SPAG16: variants seen among roughly 807,000 people sequenced by gnomAD.
The protein encoded by SPAG16 is sperm associated antigen 16.
Under a neutral mutation model 80.4 loss-of-function variants are expected in SPAG16, and 86 were observed. That is an observed-to-expected ratio of 1.07 (90% CI 0.90 to 1.28). The LOEUF (loss-of-function observed/expected upper bound fraction) is 1.28. Among genes scored for constraint, SPAG16 ranks in the 50% most tolerant of loss-of-function variants. The pLI, the probability that SPAG16 is intolerant of heterozygous loss-of-function variation, is 0.00. For synonymous variants in SPAG16, 294 were observed against 265.9 expected (o/e 1.11, Z -1.03); for missense variants, 870 against 765.3 (o/e 1.14, Z -1.61).
intron 15 of SPAG16, among the ~76,000 whole-genome samples, chr2:214,178,002 TA>T (rs1295098943): frequency 5.2e-5 from 3 of 57,598 alleles, no homozygotes; most frequent in African/African-American, 1.2e-4. Context: ...TATATATATA[TA>T]TATATATATT....
At chr2:214,048,186 C>T (rs2049444932) in intron 13 of SPAG16, among the ~76,000 whole-genome samples, 1 of 152,052 alleles carries the variant, frequency 6.6e-6, no homozygotes, top group Non-Finnish European at 1.5e-5. Flanking sequence ...CAATCCCATG[C>T]CTAGGTATAT....
chr2:214,154,842 C>T (rs950341072), intron 15 of SPAG16, among the ~76,000 whole-genome samples: 1 of 151,978 alleles, frequency 6.6e-6, no homozygotes, highest in Non-Finnish European at 1.5e-5. Context: ...AAAGACCAAC[C>T]AGATTTATTC....
intron 15 of SPAG16, among the ~76,000 whole-genome samples, chr2:214,212,449 G>T (rs1420736276): frequency 4.6e-5 from 7 of 151,842 alleles, no homozygotes; most frequent in Non-Finnish European, 1.0e-4. Context: ...TTCCTTTTTG[G>T]TTCACAGAAC....
chr2:213,399,111 T>G (rs11687463), intron 9 of SPAG16, among the ~76,000 whole-genome samples: 39,494 of 151,866 alleles, frequency 0.26, 5,937 homozygotes, highest in Middle Eastern at 0.44. Context: ...TCTAAAAATT[T>G]TTATTTGTAT....
At chr2:213,918,283 A>C (rs755147946) in intron 11 of SPAG16, among the ~76,000 whole-genome samples, 37 of 152,174 alleles carry the variant, frequency 2.4e-4, no homozygotes, top group Non-Finnish European at 4.1e-4. Context: ...GTGGCCTCAT[A>C]AAATGAGTTG....
intron 6 of SPAG16, among the ~76,000 whole-genome samples, chr2:213,346,133 CTT>C (rs1404002464): frequency 6.6e-6 from 1 of 152,102 alleles, no homozygotes; most frequent in Middle Eastern, 3.2e-3. Context: ...ATTTTATTCT[CTT>C]TGAAGCAATT....
At chr2:213,452,919 T>C (rs1575624443) in intron 9 of SPAG16, among the ~76,000 whole-genome samples, 1 of 152,366 alleles carries the variant, frequency 6.6e-6, no homozygotes, top group South Asian at 2.1e-4. Context: ...ATGAAAAAGA[T>C]ACCATGTAAA....
intron 9 of SPAG16, chr2:213,396,839 T>G: frequency 4.3e-6 from 1 of 230,710 alleles, no homozygotes; most frequent in Non-Finnish European, 9.0e-6. Flanking sequence ...ATAAAAGGAG[T>G]CCAGGACTTC....
At chr2:214,139,961 A>T (rs957861826) in intron 14 of SPAG16, among the ~76,000 whole-genome samples, 3 of 152,238 alleles carry the variant, frequency 2.0e-5, no homozygotes, top group Non-Finnish European at 4.4e-5. Flanking sequence ...CCTATGACTT[A>T]TAAGGCTCTA....
intron 12 of SPAG16, among the ~76,000 whole-genome samples, chr2:213,940,965 A>G (rs566142203): frequency 1.2e-4 from 18 of 152,280 alleles, no homozygotes; most frequent in Non-Finnish European, 2.4e-4. Context: ...CTCATTATCT[A>G]TGTTCATATT....
chr2:213,457,434 G>A (rs184936118), intron 9 of SPAG16, among the ~76,000 whole-genome samples: 13 of 152,138 alleles, frequency 8.5e-5, no homozygotes, highest in African/African-American at 2.2e-4. Context: ...CACTTTGTTC[G>A]GTATTATTTT....
intron 15 of SPAG16, among the ~76,000 whole-genome samples, chr2:214,253,152 T>A (rs1454633771): frequency 6.6e-6 from 1 of 151,976 alleles, no homozygotes; most frequent in African/African-American, 2.4e-5. Flanking sequence ...TGGAGTTGTT[T>A]ATTTTTTTTC....
At chr2:214,240,327 A>AT (rs1184006352) in intron 15 of SPAG16, 1 of 152,190 alleles carries the variant, frequency 6.6e-6, no homozygotes, top group African/African-American at 2.4e-5. Flanking sequence ...TGCTAAGTGT[A>AT]TTTTTTAAAA....
chr2:213,709,231 AT>A (rs1189322356), intron 10 of SPAG16, among the ~76,000 whole-genome samples: 1 of 152,190 alleles, frequency 6.6e-6, no homozygotes, highest in Admixed American at 6.5e-5. Flanking sequence ...AGTAATCTAC[AT>A]TTTAAAAAAT....
chr2:213,913,699 G>T, intron 11 of SPAG16, among the ~76,000 whole-genome samples: 1 of 150,772 alleles, frequency 6.6e-6, no homozygotes, highest in African/African-American at 2.5e-5. Flanking sequence ...ACACATACAT[G>T]TGTGTATGCA....
chr2:214,077,270 C>G (rs889169922), intron 13 of SPAG16, among the ~76,000 whole-genome samples: 14 of 152,128 alleles, frequency 9.2e-5, no homozygotes, highest in Admixed American at 3.3e-4. Flanking sequence ...TTCAAGGGAT[C>G]CCGAGAGGAT....
intron 15 of SPAG16, among the ~76,000 whole-genome samples, chr2:214,255,765 A>G (rs1690636624): frequency 2.0e-5 from 3 of 152,058 alleles, no homozygotes; most frequent in Admixed American, 2.0e-4. Flanking sequence ...CTTTTGTGTA[A>G]GATTTCTTCA....
At chr2:213,409,775 A>G (rs539231892) in intron 9 of SPAG16, among the ~76,000 whole-genome samples, 14 of 152,312 alleles carry the variant, frequency 9.2e-5, no homozygotes, top group African/African-American at 3.4e-4. Context: ...TGGTCTAAAA[A>G]CTAATAAAAA....
At chr2:213,562,480 T>C (rs995249916) in intron 10 of SPAG16, among the ~76,000 whole-genome samples, 1 of 152,230 alleles carries the variant, frequency 6.6e-6, no homozygotes, top group Non-Finnish European at 1.5e-5. Context: ...TATCAAAATA[T>C]CATAAACTGG....
Sources: gnomAD v4.1 joint callset for allele counts (sites outside exome capture counted in the v4.1 genomes callset) on GRCh38, gnomAD v4.1.1 for gene constraint, MANE v1.5 for transcripts, NCBI Gene and HGNC (gene_info 2026-07-23, HGNC 2026-07-21) for gene names.